Variants in MGMT observed in about 807,000 individuals in gnomAD.
The protein encoded by MGMT is O-6-methylguanine-DNA methyltransferase.
In MGMT, 14 loss-of-function variants were observed where a neutral mutation model predicts 15.9. The observed-to-expected ratio is 0.88, with a 90% CI of 0.58 to 1.37. The LOEUF is 1.37. Among genes scored for constraint, MGMT ranks in the 40% most tolerant of loss-of-function variants. MGMT has a pLI of 0.00. For synonymous variants in MGMT, 130 were observed against 118.2 expected, an observed-to-expected ratio of 1.10 and a Z score of -0.65; for missense variants, 282 against 268.1, an observed-to-expected ratio of 1.05 and a Z score of -0.36.
intron 3 of MGMT, among the ~76,000 whole-genome samples, chr10:129,726,604 T>G (rs1848437347): frequency 6.6e-6 from 1 of 152,214 alleles, no homozygotes; most frequent in African/African-American, 2.4e-5. Context: ...GAATTTGAAC[T>G]TCTGATCATG....
intron 2 of MGMT, among the ~76,000 whole-genome samples, chr10:129,574,210 GA>G (rs773188859): frequency 4.6e-5 from 7 of 152,264 alleles, no homozygotes; most frequent in African/African-American, 1.7e-4. Flanking sequence ...ACCTTTTGGG[GA>G]AAAAACTATC....
At chr10:129,542,515 A>G (rs533478865) in intron 2 of MGMT, among the ~76,000 whole-genome samples, 1 of 152,366 alleles carries the variant, frequency 6.6e-6, no homozygotes, top group East Asian at 1.9e-4. Flanking sequence ...AAGCACTGCC[A>G]GTAAAAATAA....
rs756591584 is a variant in MGMT, at chr10:129,707,916, C to G, written c.147C>G (p.Pro49=). The change falls in exon 3 of 5, where the codon CCC becomes CCG. Residue 49 remains proline, a synonymous_variant. Coordinates refer to ENST00000651593, the MANE Select transcript of MGMT (RefSeq NM_002412.5). ...SAADAVEVPA[P]AAVLGGPEPL... Reference sequence around the variant, plus strand: ...GCAGTGCCGTGGAGGTCCCAGCCCCCGCTGCGGTTCTCGGAGGTCCGGAGC... The same window carrying G: ...GCAGTGCCGTGGAGGTCCCAGCCCCGGCTGCGGTTCTCGGAGGTCCGGAGC... The G allele has an allele frequency of 2.5e-6, 4 of 1,611,992 alleles. No homozygotes were observed. Among genetic ancestry groups the G allele is most frequent in the Admixed American group, 3.3e-5 (2 of 59,996 alleles).
intron 2 of MGMT, among the ~76,000 whole-genome samples, chr10:129,692,080 G>A (rs1847975436): frequency 6.6e-6 from 1 of 152,238 alleles, no homozygotes; most frequent in South Asian, 2.1e-4. Flanking sequence ...GTGCTCAGGG[G>A]ATGGCAGCTG....
chr10:129,660,534 C>T (rs1010537046), intron 2 of MGMT, among the ~76,000 whole-genome samples: 1 of 152,090 alleles, frequency 6.6e-6, no homozygotes, highest in Non-Finnish European at 1.5e-5. Context: ...AGTGGGGAGT[C>T]GGCTGGGAAG....
At chr10:129,731,767 A>G (rs950898480) in intron 3 of MGMT, among the ~76,000 whole-genome samples, 1 of 152,188 alleles carries the variant, frequency 6.6e-6, no homozygotes, top group African/African-American at 2.4e-5. Flanking sequence ...CATAGGTAAT[A>G]TGCTTCTGGA....
At chr10:129,590,981 A>G (rs1197764485) in intron 2 of MGMT, among the ~76,000 whole-genome samples, 2 of 152,172 alleles carry the variant, frequency 1.3e-5, no homozygotes, top group African/African-American at 4.8e-5. Flanking sequence ...AGTGTCTGAA[A>G]ATGACGTAGT....
chr10:129,596,777 G>A (rs1171170568), intron 2 of MGMT, among the ~76,000 whole-genome samples: 2 of 152,256 alleles, frequency 1.3e-5, no homozygotes, highest in East Asian at 3.9e-4. Flanking sequence ...TTCAGGCCAC[G>A]GCCCTGCTCA....
intron 2 of MGMT, among the ~76,000 whole-genome samples, chr10:129,665,019 T>G (rs975277873): frequency 7.9e-5 from 12 of 151,634 alleles, no homozygotes; most frequent in South Asian, 4.2e-4. Flanking sequence ...AGGGTGACAG[T>G]CAGGCAGGTT....
intron 2 of MGMT, among the ~76,000 whole-genome samples, chr10:129,627,867 GAGA>G (rs1302094733): frequency 1.1e-4 from 16 of 152,224 alleles, no homozygotes; most frequent in African/African-American, 3.6e-4. Flanking sequence ...GTTATGTTCT[GAGA>G]AGGAGCTGAG....
chr10:129,514,978 C>T (rs577958513), intron 1 of MGMT, among the ~76,000 whole-genome samples: 202 of 152,306 alleles, frequency 1.3e-3, no homozygotes, highest in African/African-American at 4.5e-3. Flanking sequence ...GCAGATTTTC[C>T]GGAAGCTGTG....
At chr10:129,624,051 G>A (rs1489956818) in intron 2 of MGMT, among the ~76,000 whole-genome samples, 1 of 152,252 alleles carries the variant, frequency 6.6e-6, no homozygotes, top group African/African-American at 2.4e-5. Context: ...TGAGTTCGAT[G>A]GGGCCTCCAG....
At chr10:129,598,544 G>A (rs568797661) in intron 2 of MGMT, among the ~76,000 whole-genome samples, 36 of 152,240 alleles carry the variant, frequency 2.4e-4, no homozygotes, top group East Asian at 3.9e-4. Context: ...ACTGTGCTCC[G>A]GAATAAACAC....
intron 3 of MGMT, among the ~76,000 whole-genome samples, chr10:129,728,089 C>T (rs1005954636): frequency 6.6e-6 from 1 of 152,136 alleles, no homozygotes. Flanking sequence ...TGGACTTGAA[C>T]AGGACTCATT....
chr10:129,483,026 C>T (rs993434684), intron 1 of MGMT, among the ~76,000 whole-genome samples: 3 of 152,148 alleles, frequency 2.0e-5, no homozygotes, highest in Admixed American at 6.5e-5. Flanking sequence ...TTGAATGATT[C>T]CAATTTAACA....
At chr10:129,595,481 C>A (rs1175034441) in intron 2 of MGMT, among the ~76,000 whole-genome samples, 1 of 152,160 alleles carries the variant, frequency 6.6e-6, no homozygotes, top group Non-Finnish European at 1.5e-5. Context: ...GGTGTCTGAT[C>A]CCCCGTGCCA....
chr10:129,565,103 G>A (rs896481560), intron 2 of MGMT, among the ~76,000 whole-genome samples: 7 of 152,228 alleles, frequency 4.6e-5, no homozygotes, highest in African/African-American at 1.2e-4. Flanking sequence ...TGGGCGCTGC[G>A]TGTAGCCTGC....
At chr10:129,694,412 C>G (rs568443018) in intron 2 of MGMT, 5 of 152,186 alleles carry the variant, frequency 3.3e-5, no homozygotes, top group Non-Finnish European at 5.9e-5. Flanking sequence ...ATGGAGCTTA[C>G]GGTCCACAGA....
At chr10:129,741,315 A>G (rs1459503095) in intron 3 of MGMT, among the ~76,000 whole-genome samples, 1 of 152,088 alleles carries the variant, frequency 6.6e-6, no homozygotes, top group Non-Finnish European at 1.5e-5. Flanking sequence ...GAAAAATGTT[A>G]ACTCTCCCTA....
Sources: allele counts gnomAD v4.1 joint callset (sites outside exome capture counted in the v4.1 genomes callset), GRCh38; gene constraint gnomAD v4.1.1; transcripts MANE v1.5; gene names NCBI Gene and HGNC (gene_info 2026-07-23, HGNC 2026-07-21).